FTO: variants seen among roughly 807,000 people sequenced by gnomAD.
FTO encodes FTO alpha-ketoglutarate dependent dioxygenase.
Under a neutral mutation model 63.9 loss-of-function variants are expected in FTO, and 47 were observed. The observed-to-expected ratio is 0.74, with a 90% CI of 0.58 to 0.94. The LOEUF is 0.94. Among genes scored for constraint, FTO ranks in the 40% least tolerant of loss-of-function variants. The pLI, the probability that FTO is intolerant of heterozygous loss-of-function variation, is 0.00. For synonymous variants in FTO, 207 were observed against 224.4 expected (o/e 0.92, Z 0.69); for missense variants, 562 against 618.1 (o/e 0.91, Z 0.96).
intron 8 of FTO, chr16:54,039,756 A>C (rs2085028142): frequency 6.6e-6 from 1 of 152,260 alleles, no homozygotes; most frequent in Non-Finnish European, 1.5e-5. Context: ...CAAGAACTTC[A>C]GGGATCAGGG....
intron 1 of FTO, among the ~76,000 whole-genome samples, chr16:53,799,744 G>T (rs2078170727): frequency 6.6e-6 from 1 of 152,156 alleles, no homozygotes; most frequent in African/African-American, 2.4e-5. Flanking sequence ...AGCGTTCCTG[G>T]TACATGCCCG....
intron 2 of FTO, among the ~76,000 whole-genome samples, chr16:53,821,592 T>C (rs1264504040): frequency 1.3e-5 from 2 of 152,238 alleles, no homozygotes; most frequent in African/African-American, 4.8e-5. Flanking sequence ...CATAGTGGTA[T>C]GCCACATGAC....
intron 8 of FTO, among the ~76,000 whole-genome samples, chr16:54,067,265 A>G (rs1204461711): frequency 6.6e-6 from 1 of 152,170 alleles, no homozygotes; most frequent in Non-Finnish European, 1.5e-5. Context: ...TGATTAAAAC[A>G]CAAGCAAAAA....
chr16:53,997,302 A>G (rs2083958959), intron 8 of FTO, among the ~76,000 whole-genome samples: 1 of 152,126 alleles, frequency 6.6e-6, no homozygotes, highest in Non-Finnish European at 1.5e-5. Context: ...AACCGCCCCC[A>G]TGATTCAATT....
At chr16:53,961,934 C>CT (rs1277945298) in intron 8 of FTO, among the ~76,000 whole-genome samples, 68 of 152,228 alleles carry the variant, frequency 4.5e-4, no homozygotes, top group African/African-American at 1.5e-3. Context: ...AGTCCTTGAA[C>CT]ACCTCAGGTA....
chr16:53,859,685 A>T (rs1439526394), intron 4 of FTO, among the ~76,000 whole-genome samples: 1 of 152,112 alleles, frequency 6.6e-6, no homozygotes, highest in Non-Finnish European at 1.5e-5. Flanking sequence ...GTATATGAAA[A>T]TGTGCTCAAC....
intron 5 of FTO, among the ~76,000 whole-genome samples, chr16:53,875,343 G>A (rs188430432): frequency 3.3e-5 from 5 of 152,284 alleles, no homozygotes; most frequent in Admixed American, 1.3e-4. Flanking sequence ...TCAAAGGGCT[G>A]TACAAAATGA....
chr16:54,098,755 G>C (rs926677313), intron 8 of FTO, among the ~76,000 whole-genome samples: 3 of 152,114 alleles, frequency 2.0e-5, no homozygotes, highest in Admixed American at 2.0e-4. Context: ...TATGGCATTG[G>C]CCTTTTAGCT....
At chr16:54,048,222 AT>A (rs2085226516) in intron 8 of FTO, among the ~76,000 whole-genome samples, 11 of 124,810 alleles carry the variant, frequency 8.8e-5, no homozygotes, top group African/African-American at 2.1e-4. Context: ...GTAAAAAAAA[AT>A]AAAAAATAAA....
chr16:53,878,409 C>T (rs920358596), intron 5 of FTO, among the ~76,000 whole-genome samples: 45 of 152,096 alleles, frequency 3.0e-4, no homozygotes, highest in African/African-American at 1.1e-3. Context: ...AGCTGCCTGC[C>T]CTTATGCACC....
chr16:53,758,508 T>G (rs1008456756), intron 1 of FTO, among the ~76,000 whole-genome samples: 1 of 152,162 alleles, frequency 6.6e-6, no homozygotes, highest in East Asian at 1.9e-4. Context: ...AGGTTGACAT[T>G]TGGAGATATC....
chr16:53,978,578 G>T (rs2083475962), intron 8 of FTO, among the ~76,000 whole-genome samples: 1 of 152,140 alleles, frequency 6.6e-6, no homozygotes, highest in African/African-American at 2.4e-5. Context: ...TTTTGAGATT[G>T]TAAATACATC....
At chr16:53,979,597 AT>A (rs549683447) in intron 8 of FTO, 93 of 390,016 alleles carry the variant, frequency 2.4e-4, no homozygotes, top group Non-Finnish European at 4.0e-4. Context: ...TGTCCTCTAC[AT>A]TTTCCCCTTC....
intron 2 of FTO, among the ~76,000 whole-genome samples, chr16:53,813,618 TAGAA>T (rs2078594436): frequency 6.6e-6 from 1 of 152,260 alleles, no homozygotes; most frequent in African/African-American, 2.4e-5. Context: ...CATGAGTAAA[TAGAA>T]AGTTCAGACC....
At chr16:53,732,314 G>A (rs2076292003) in intron 1 of FTO, among the ~76,000 whole-genome samples, 1 of 152,186 alleles carries the variant, frequency 6.6e-6, no homozygotes, top group Non-Finnish European at 1.5e-5. Flanking sequence ...GCCTCCCAAA[G>A]TGCTGGGATT....
At chr16:53,887,836 C>T (rs2081041090) in intron 6 of FTO, 1 of 152,028 alleles carries the variant, frequency 6.6e-6, no homozygotes, top group Non-Finnish European at 1.5e-5. Flanking sequence ...ATTTGAATGG[C>T]TTTGTCGGTT....
chr16:53,771,966 T>C (rs556848589), intron 1 of FTO, among the ~76,000 whole-genome samples: 1 of 151,928 alleles, frequency 6.6e-6, no homozygotes, highest in East Asian at 1.9e-4. Flanking sequence ...GAATGGGGAG[T>C]GACTGCTAAT....
At chr16:53,909,667 G>T (rs749286181) in intron 7 of FTO, among the ~76,000 whole-genome samples, 1 of 148,852 alleles carries the variant, frequency 6.7e-6, no homozygotes, top group African/African-American at 2.5e-5. Flanking sequence ...AGGTTCAAGC[G>T]ATTCTTCTGC....
intron 8 of FTO, among the ~76,000 whole-genome samples, chr16:54,106,009 C>T (rs1170228683): frequency 6.6e-6 from 1 of 152,102 alleles, no homozygotes; most frequent in Non-Finnish European, 1.5e-5. Flanking sequence ...TGATTAAAAA[C>T]ACAAAGTATA....
Sources: gnomAD v4.1 joint callset for allele counts (sites outside exome capture counted in the v4.1 genomes callset) on GRCh38, gnomAD v4.1.1 for gene constraint, MANE v1.5 for transcripts, NCBI Gene and HGNC (gene_info 2026-07-23, HGNC 2026-07-21) for gene names.